RAB3IP: variants seen among roughly 807,000 people sequenced by gnomAD.
The protein encoded by RAB3IP is RAB3A interacting protein.
In RAB3IP, 36 loss-of-function variants were observed where a neutral mutation model predicts 59.1. The ratio of observed to expected loss-of-function variants is 0.61; its 90% confidence interval spans 0.47 to 0.80. RAB3IP has a LOEUF of 0.80. Ranked by LOEUF, RAB3IP falls within the 30% of genes least tolerant of loss-of-function variation. RAB3IP has a pLI of 0.00. For missense variants in RAB3IP, 511 were observed against 536.0 expected, an observed-to-expected ratio of 0.95 and a Z score of 0.46; for synonymous variants, 207 against 191.2, an observed-to-expected ratio of 1.08 and a Z score of -0.68.
At chr12:69,770,778 TATAC>T (rs1278864582) in intron 3 of RAB3IP, among the ~76,000 whole-genome samples, 3 of 152,072 alleles carry the variant, frequency 2.0e-5, no homozygotes, top group Non-Finnish European at 4.4e-5. Flanking sequence ...CACATACACA[TATAC>T]ATATATACAC....
intron 3 of RAB3IP, among the ~76,000 whole-genome samples, chr12:69,779,860 C>T (rs1443419597): frequency 6.6e-6 from 1 of 152,138 alleles, no homozygotes. Context: ...TATTTTGTCT[C>T]TTTGGTGAGG....
intron 8 of RAB3IP, among the ~76,000 whole-genome samples, chr12:69,804,735 C>T (rs1415636589): frequency 6.6e-6 from 1 of 151,784 alleles, no homozygotes; most frequent in Non-Finnish European, 1.5e-5. Context: ...TTTCCCAGCA[C>T]CATTTATTAA....
At chr12:69,740,505 A>G (rs1286012972) in intron 1 of RAB3IP, among the ~76,000 whole-genome samples, 1 of 152,244 alleles carries the variant, frequency 6.6e-6, no homozygotes, top group African/African-American at 2.4e-5. Flanking sequence ...TTACATATTA[A>G]TGTATACCTT....
chr12:69,809,371 A>G lies in RAB3IP; in HGVS notation c.1131-3407A>G, dbSNP rs147137630. Reference sequence around the variant, plus strand: ...TTCAACTTTGGTGAATCTGACAATTATGTGTCTTGGAGTTGCTCTGCTCGA... The same window carrying G: ...TTCAACTTTGGTGAATCTGACAATTGTGTGTCTTGGAGTTGCTCTGCTCGA... On this transcript the variant is annotated intron_variant, in intron 8 of 10. Transcript: ENST00000247833. Among the ~76,000 whole-genome samples the G allele has an allele frequency of 5.7e-3, 866 of 152,136 alleles. 5 individuals carry two copies. The highest frequency in any genetic ancestry group is 0.019 in the African/African-American group (788 of 41,484).
chr12:69,780,376 A>G (rs1874481390), intron 3 of RAB3IP, among the ~76,000 whole-genome samples: 1 of 152,144 alleles, frequency 6.6e-6, no homozygotes, highest in Non-Finnish European at 1.5e-5. Flanking sequence ...GGGACAGTTT[A>G]CCAACTGCAG....
intron 3 of RAB3IP, among the ~76,000 whole-genome samples, chr12:69,773,185 T>C (rs1873441631): frequency 6.6e-6 from 1 of 152,124 alleles, no homozygotes; most frequent in Non-Finnish European, 1.5e-5. Context: ...TTCTTTTGTA[T>C]GTTAACTTGC....
intron 4 of RAB3IP, among the ~76,000 whole-genome samples, chr12:69,790,193 GAACT>G (rs2136218953): frequency 6.6e-6 from 1 of 152,220 alleles, no homozygotes. Context: ...AAAAAAGTTA[GAACT>G]AATAAATGAA....
chr12:69,758,192 G>A (rs74101324), intron 3 of RAB3IP, among the ~76,000 whole-genome samples: 3,218 of 152,182 alleles, frequency 0.021, 117 homozygotes, highest in African/African-American at 0.073. Context: ...TACTTACTTG[G>A]TTAACTGTGT....
intron 3 of RAB3IP, among the ~76,000 whole-genome samples, chr12:69,759,858 G>C (rs1870987843): frequency 6.6e-6 from 1 of 151,714 alleles, no homozygotes; most frequent in South Asian, 2.1e-4. Context: ...TTCTCAGACG[G>C]GGCTGCCGGG....
At chr12:69,792,204 C>G (rs1876740145) in intron 4 of RAB3IP, among the ~76,000 whole-genome samples, 1 of 151,992 alleles carries the variant, frequency 6.6e-6, no homozygotes, top group Non-Finnish European at 1.5e-5. Flanking sequence ...GTCAGTTATG[C>G]AGGATAGATA....
intron 8 of RAB3IP, 57 bp downstream of exon 8, chr12:69,801,778 T>C: frequency 1.9e-6 from 2 of 1,068,426 alleles, no homozygotes; most frequent in East Asian, 4.8e-5. Flanking sequence ...ATGTTATGGG[T>C]TGCAGTTATT....
chr12:69,739,908 A>G, intron 1 of RAB3IP: 2 of 1,602,798 alleles, frequency 1.2e-6, no homozygotes, highest in Non-Finnish European at 1.7e-6. Context: ...GTTAGTTAGT[A>G]CTGATTACTG....
At chr12:69,799,745 G>A (rs936998420) in intron 6 of RAB3IP, among the ~76,000 whole-genome samples, 1 of 152,080 alleles carries the variant, frequency 6.6e-6, no homozygotes, top group Non-Finnish European at 1.5e-5. Context: ...GCCAGTCTCA[G>A]TTTATTCAGA....
chr12:69,766,480 C>T (rs73332058), intron 3 of RAB3IP, among the ~76,000 whole-genome samples: 141 of 151,748 alleles, frequency 9.3e-4, no homozygotes, highest in South Asian at 2.9e-3. Flanking sequence ...AAATTCCTTA[C>T]GTCAGTTTTT....
chr12:69,800,139 G>A (rs900203098), intron 6 of RAB3IP, 70 bp from the exon 7 acceptor site: 2 of 1,218,708 alleles, frequency 1.6e-6, no homozygotes, highest in Non-Finnish European at 1.1e-6. Flanking sequence ...AATTAGTTTT[G>A]GTTTTGTAAA....
intron 8 of RAB3IP, among the ~76,000 whole-genome samples, chr12:69,809,420 G>T (rs1880032538): frequency 6.6e-6 from 1 of 152,146 alleles, no homozygotes; most frequent in African/African-American, 2.4e-5. Flanking sequence ...AGCATTCTCT[G>T]TATTTCCTGA....
rs1441591077 is a variant in RAB3IP, at chr12:69,817,768, G to A, written c.*2322G>A. On this transcript the variant is annotated 3_prime_UTR_variant, in exon 11 of 11. Transcript: ENST00000247833. ...AAGTCCAACTTGGGCAACATAGGGA[G>A]ACCTTGTCTCTAAAAAAAAAACTAA... is the stretch of plus-strand genomic sequence containing the variant. 1 of 150,356 alleles carries A rather than the reference G, an allele frequency of 6.7e-6. No individual in the cohort carries two copies. Among genetic ancestry groups the A allele is most frequent in the East Asian group, 1.9e-4 (1 of 5,168 alleles). The allele number at this position is 150,356 out of a possible 1,614,324, so 9.3% of individuals were successfully genotyped here.
chr12:69,749,872 A>C (rs1291943781), intron 1 of RAB3IP, among the ~76,000 whole-genome samples: 1 of 152,114 alleles, frequency 6.6e-6, no homozygotes, highest in Non-Finnish European at 1.5e-5. Flanking sequence ...GGCAGAGTAG[A>C]TTTTTCTTCT....
chr12:69,742,365 T>C (rs1251306561), intron 1 of RAB3IP, among the ~76,000 whole-genome samples: 1 of 152,206 alleles, frequency 6.6e-6, no homozygotes, highest in Non-Finnish European at 1.5e-5. Flanking sequence ...GCTTTCTAGC[T>C]TGTTTCTCCT....
Sources: allele counts gnomAD v4.1 joint callset (sites outside exome capture counted in the v4.1 genomes callset), GRCh38; gene constraint gnomAD v4.1.1; transcripts MANE v1.5; gene names NCBI Gene and HGNC (gene_info 2026-07-23, HGNC 2026-07-21).